The following PARD3B variants were observed in gnomAD, a reference collection of about 807,000 sequenced individuals.
PARD3B encodes partitioning defective 3 homolog B.
In PARD3B, 103 loss-of-function variants were observed where a neutral mutation model predicts 130.2. The ratio of observed to expected loss-of-function variants is 0.79; its 90% CI spans 0.67 to 0.93. PARD3B has a LOEUF of 0.93. PARD3B is among the 40% of genes least tolerant of loss of function. PARD3B has a pLI of 0.00. For missense variants in PARD3B, 1,609 were observed against 1,499.2 expected (o/e 1.07, Z -1.21); for synonymous variants, 583 against 553.2 (o/e 1.05, Z -0.76).
At chr2:205,191,387 T>C (rs2036391076) in intron 14 of PARD3B, among the ~76,000 whole-genome samples, 2 of 152,160 alleles carry the variant, frequency 1.3e-5, no homozygotes, top group African/African-American at 4.8e-5. Flanking sequence ...GACATTTTCC[T>C]ACAGGGGCCA....
At chr2:204,955,656 G>A (rs1442452523) in intron 2 of PARD3B, among the ~76,000 whole-genome samples, 2 of 152,130 alleles carry the variant, frequency 1.3e-5, no homozygotes, top group Non-Finnish European at 2.9e-5. Context: ...TCTGTAAAAT[G>A]GGAATAACAG....
chr2:204,889,572 T>TC (rs143270835), intron 2 of PARD3B, among the ~76,000 whole-genome samples: 1,529 of 152,282 alleles, frequency 0.01, 14 homozygotes, highest in Admixed American at 0.013. Flanking sequence ...CCAGAACTGT[T>TC]CAAGTCCAGC....
intron 16 of PARD3B, among the ~76,000 whole-genome samples, chr2:205,290,895 A>T (rs762676714): frequency 1.3e-5 from 2 of 152,196 alleles, no homozygotes; most frequent in African/African-American, 2.4e-5. Flanking sequence ...GAAGATGGCC[A>T]TCTGTGAACC....
At chr2:204,979,304 G>T (rs1470300863) in intron 3 of PARD3B, among the ~76,000 whole-genome samples, 3 of 152,136 alleles carry the variant, frequency 2.0e-5, no homozygotes, top group African/African-American at 7.2e-5. Context: ...TAGAGTAAAG[G>T]CTGGGATGAA....
chr2:205,027,584 T>G (rs1028809586), intron 3 of PARD3B, among the ~76,000 whole-genome samples: 5 of 152,128 alleles, frequency 3.3e-5, no homozygotes, highest in Admixed American at 2.6e-4. Flanking sequence ...TCCTGCTTGT[T>G]TGCCTTTGCT....
chr2:204,685,307 T>C (rs1035958842), intron 1 of PARD3B, among the ~76,000 whole-genome samples: 2 of 152,148 alleles, frequency 1.3e-5, no homozygotes, highest in Non-Finnish European at 2.9e-5. Context: ...CAGAACCAAA[T>C]TGATTATAGC....
intron 2 of PARD3B, among the ~76,000 whole-genome samples, chr2:204,714,059 A>T (rs1426142593): frequency 6.6e-6 from 1 of 152,148 alleles, no homozygotes. Flanking sequence ...ACCCTTCTGT[A>T]TATCTGTTAA....
At chr2:205,045,717 A>G (rs1304596446) in intron 3 of PARD3B, among the ~76,000 whole-genome samples, 1 of 151,760 alleles carries the variant, frequency 6.6e-6, no homozygotes, top group African/African-American at 2.4e-5. Context: ...AAGAAAAACC[A>G]TGTCTCTCTC....
intron 2 of PARD3B, among the ~76,000 whole-genome samples, chr2:204,861,162 TTCTCTCTCTCTCTC>T (rs60740602): frequency 0.043 from 3,932 of 91,356 alleles, 106 homozygotes; most frequent in Middle Eastern, 0.091. Context: ...CCTAATACCT[TTCTCTCTCTCTCTC>T]TCTCTCTCTC....
chr2:204,874,505 T>G (rs2045758940), intron 2 of PARD3B, among the ~76,000 whole-genome samples: 1 of 152,156 alleles, frequency 6.6e-6, no homozygotes, highest in Admixed American at 6.6e-5. Context: ...AACTGTAACA[T>G]TTATATTTCT....
In PARD3B at chr2:205,269,080, G is replaced by A. The variant is rs1295283709; in HGVS notation, c.2185+23258G>A. ...GTTTTGAGGCAAATAGTAGGGAACA[G>A]AGTCTAGATTTGAACCTAGGTCACT... On this transcript the variant is annotated intron_variant, in intron 16 of 22. Transcript: ENST00000406610. The surrounding 1 kb of genome is among the most constrained non-coding windows in gnomAD (Gnocchi z 4.7). Among the ~76,000 whole-genome samples the A allele has an allele frequency of 6.6e-6, 1 of 152,124 alleles. No homozygotes were observed. The highest frequency in any genetic ancestry group is 6.6e-5 in the Admixed American group (1 of 15,262).
At chr2:205,072,601 G>T (rs968284614) in intron 4 of PARD3B, among the ~76,000 whole-genome samples, 11 of 152,008 alleles carry the variant, frequency 7.2e-5, no homozygotes, top group Admixed American at 6.6e-5. Flanking sequence ...CATATCAGTG[G>T]TTCACAACTA....
intron 3 of PARD3B, among the ~76,000 whole-genome samples, chr2:204,979,205 CA>C (rs755064647): frequency 0.017 from 1,566 of 89,862 alleles, 30 homozygotes; most frequent in African/African-American, 0.048. Flanking sequence ...GACTCTGTCT[CA>C]AAAAAAAAAA....
intron 2 of PARD3B, among the ~76,000 whole-genome samples, chr2:204,751,583 T>C (rs1237213290): frequency 6.6e-6 from 1 of 152,252 alleles, no homozygotes; most frequent in Non-Finnish European, 1.5e-5. Context: ...TTATTTCTGC[T>C]ATAGAATTTC....
intron 4 of PARD3B, among the ~76,000 whole-genome samples, chr2:205,089,330 C>A (rs913002659): frequency 2.0e-5 from 3 of 151,872 alleles, no homozygotes; most frequent in African/African-American, 7.3e-5. Context: ...GCCATCATGC[C>A]AGGCTAATTT....
chr2:205,015,946 G>A lies in PARD3B; in HGVS notation c.395-31635G>A, dbSNP rs2125320049. On this transcript the variant is annotated intron_variant, in intron 3 of 22. Coordinates refer to ENST00000406610, the MANE Select transcript of PARD3B (RefSeq NM_001302769.2). The surrounding 1 kb of genome is among the most constrained non-coding windows in gnomAD (Gnocchi z 4.5). ...AGACCGTTTCTGCACTCCACCTGAG[G>A]CCACCACTCCCAACAGTTACACTGA... Among the ~76,000 whole-genome samples, 2 of 152,220 alleles carry A rather than the reference G, an allele frequency of 1.3e-5. No individual in the cohort carries two copies. The highest frequency in any genetic ancestry group is 4.2e-4 in the South Asian group (2 of 4,816).
At chr2:205,380,237 A>G (rs1438544772) in intron 18 of PARD3B, among the ~76,000 whole-genome samples, 3 of 73,990 alleles carry the variant, frequency 4.1e-5, no homozygotes, top group Non-Finnish European at 7.1e-5. Flanking sequence ...TATGTAAAGA[A>G]TATATATTAT....
At chr2:204,555,722 G>A (rs1439951426) in intron 1 of PARD3B, among the ~76,000 whole-genome samples, 3 of 152,144 alleles carry the variant, frequency 2.0e-5, no homozygotes, top group Non-Finnish European at 4.4e-5. Context: ...CAGTCACACT[G>A]ATCGCTTGTC....
intron 10 of PARD3B, among the ~76,000 whole-genome samples, chr2:205,149,494 A>G (rs142066973): frequency 9.0e-4 from 137 of 152,292 alleles, no homozygotes; most frequent in African/African-American, 3.0e-3. Context: ...CCTCTGGAAA[A>G]TTAGCTGCCA....
Sources: allele counts gnomAD v4.1 joint callset (sites outside exome capture counted in the v4.1 genomes callset), GRCh38; gene constraint gnomAD v4.1.1; non-coding constraint Gnocchi (gnomAD v3.1); transcripts MANE v1.5; gene names NCBI Gene and HGNC (gene_info 2026-07-23, HGNC 2026-07-21).